The following SPATA16 variants were observed in gnomAD, a reference collection of about 807,000 sequenced individuals.
The protein encoded by SPATA16 is spermatogenesis-associated protein 16.
In SPATA16, 36 loss-of-function variants were observed where a neutral mutation model predicts 63.3. The ratio of observed to expected loss-of-function variants is 0.57; its 90% confidence interval spans 0.44 to 0.75. SPATA16 has a LOEUF of 0.75. Among genes scored for constraint, SPATA16 ranks in the 30% least tolerant of loss-of-function variants. The pLI, the probability that SPATA16 is intolerant of heterozygous loss-of-function variation, is 0.00. For synonymous variants in SPATA16, 203 were observed against 216.7 expected, an observed-to-expected ratio of 0.94 and a Z score of 0.56; for missense variants, 646 against 679.3, an observed-to-expected ratio of 0.95 and a Z score of 0.54.
At chr3:173,010,674 CGG>C (rs1735050983) in intron 4 of SPATA16, among the ~76,000 whole-genome samples, 2 of 152,252 alleles carry the variant, frequency 1.3e-5, no homozygotes, top group African/African-American at 4.8e-5. Flanking sequence ...CCTTCCCAAA[CGG>C]ATCTTGGGGT....
At chr3:173,088,102 T>C (rs1357449651) in intron 2 of SPATA16, among the ~76,000 whole-genome samples, 1 of 147,624 alleles carries the variant, frequency 6.8e-6, no homozygotes, top group Admixed American at 6.8e-5. Flanking sequence ...TTTTTTTTTT[T>C]TGAGATGGAG....
chr3:172,953,285 T>C (rs1330126973), intron 6 of SPATA16, among the ~76,000 whole-genome samples: 7 of 152,182 alleles, frequency 4.6e-5, no homozygotes, highest in Non-Finnish European at 1.0e-4. Context: ...TCAATCTCCA[T>C]TGTAGATCCT....
intron 3 of SPATA16, among the ~76,000 whole-genome samples, chr3:173,042,851 T>C (rs1468440824): frequency 6.6e-6 from 1 of 152,192 alleles, no homozygotes; most frequent in Non-Finnish European, 1.5e-5. Context: ...TAAATTGATT[T>C]CTAATTTAAT....
At chr3:173,032,258 GAAC>G (rs1190601037) in intron 3 of SPATA16, among the ~76,000 whole-genome samples, 1 of 151,992 alleles carries the variant, frequency 6.6e-6, no homozygotes, top group Non-Finnish European at 1.5e-5. Flanking sequence ...TATCTCAAGT[GAAC>G]AACAAACACC....
At chr3:173,133,955 C>T (rs1432009205) in intron 1 of SPATA16, among the ~76,000 whole-genome samples, 1 of 151,734 alleles carries the variant, frequency 6.6e-6, no homozygotes, top group Non-Finnish European at 1.5e-5. Flanking sequence ...ATAGCTCACT[C>T]ATAAGTCAAG....
chr3:173,083,654 G>A (rs576466336), intron 2 of SPATA16, among the ~76,000 whole-genome samples: 7 of 152,038 alleles, frequency 4.6e-5, no homozygotes, highest in African/African-American at 7.2e-5. Context: ...TTCTCTCCCC[G>A]AAAGGCCCCA....
chr3:172,966,918 C>T (rs570355174), intron 5 of SPATA16, among the ~76,000 whole-genome samples: 13 of 152,254 alleles, frequency 8.5e-5, no homozygotes, highest in South Asian at 8.3e-4. Flanking sequence ...AAATCAATAA[C>T]CCATAAAAAT....
Position 172,924,205 on chromosome 3 carries a change from T to C in SPATA16, c.1338+3A>G, listed in dbSNP as rs1403078496. 5 of 1,603,554 alleles carry C rather than the reference T, an allele frequency of 3.1e-6. No homozygotes were observed. In the East Asian group the frequency reaches 8.9e-5, roughly 29 times the overall value. On this transcript the variant is annotated splice_donor_region_variant and intron_variant, in intron 8 of 10. Coordinates refer to ENST00000351008, the MANE Select transcript of SPATA16 (RefSeq NM_031955.6). ...GACAAATATAAAAGACTCATATACC[T>C]ACATTCAATTGGGTGCTTCTAATAA...
chr3:172,938,578 C>A (rs1733067950), intron 6 of SPATA16, among the ~76,000 whole-genome samples: 1 of 152,160 alleles, frequency 6.6e-6, no homozygotes, highest in Admixed American at 6.5e-5. Context: ...CAGAGACCCC[C>A]TCTTTGGAGT....
intron 3 of SPATA16, among the ~76,000 whole-genome samples, chr3:173,026,282 A>T (rs74403552): frequency 0.017 from 2,603 of 151,490 alleles, 69 homozygotes; most frequent in African/African-American, 0.059. Flanking sequence ...AAAACTGGGC[A>T]TTTTTTTTCC....
In SPATA16 at chr3:172,954,139, A is replaced by G. The variant is rs9819905; in HGVS notation, c.1081+2538T>C. On this transcript the variant is annotated intron_variant, in intron 6 of 10. Coordinates refer to ENST00000351008, the MANE Select transcript of SPATA16 (RefSeq NM_031955.6). ...TTGTTCTCACGGTGCTAATAAAGAC[A>G]TACAGAAGACTGGATAATTTATAAA... Among the ~76,000 whole-genome samples the G allele has an allele frequency of 4.5e-3, 692 of 152,356 alleles. 4 individuals carry two copies. Among genetic ancestry groups the G allele is most frequent in the African/African-American group, 0.016 (671 of 41,582 alleles).
intron 2 of SPATA16, among the ~76,000 whole-genome samples, chr3:173,115,514 G>C (rs1377440736): frequency 6.6e-6 from 1 of 152,090 alleles, no homozygotes; most frequent in African/African-American, 2.4e-5. Context: ...TTCTTTTGGG[G>C]GTTTGTGGAT....
At chr3:173,133,775 C>CA (rs1738450123) in intron 1 of SPATA16, among the ~76,000 whole-genome samples, 1 of 151,034 alleles carries the variant, frequency 6.6e-6, no homozygotes, top group Non-Finnish European at 1.5e-5. Flanking sequence ...GAATTTCAGA[C>CA]AAAAAAAGAA....
Position 173,117,759 on chromosome 3 carries a change from G to T in SPATA16, c.-18-10C>A, listed in dbSNP as rs769336607. 1 of 1,613,760 alleles carries T rather than the reference G, an allele frequency of 6.2e-7. No homozygotes were observed. Among genetic ancestry groups the T allele is most frequent in the East Asian group, 2.2e-5 (1 of 44,882 alleles). On this transcript the variant is annotated splice_polypyrimidine_tract_variant and intron_variant, in intron 1 of 10. Transcript: ENST00000351008. ...ATCCTGCCCAAAACTCCTGCAGGGG[G>T]GAGAAAAAGGAAAGTAATTAAGGCA...
intron 4 of SPATA16, among the ~76,000 whole-genome samples, chr3:173,007,052 G>A (rs1040644791): frequency 2.6e-5 from 4 of 152,106 alleles, no homozygotes; most frequent in African/African-American, 9.7e-5. Context: ...GGTTTTTACT[G>A]TACACTCATC....
At chr3:173,130,144 G>A (rs995374812) in intron 1 of SPATA16, among the ~76,000 whole-genome samples, 1 of 151,934 alleles carries the variant, frequency 6.6e-6, no homozygotes, top group Non-Finnish European at 1.5e-5. Flanking sequence ...GGCGGATCAC[G>A]AGGTTAAGAT....
intron 4 of SPATA16, among the ~76,000 whole-genome samples, chr3:173,010,080 G>A (rs1022195599): frequency 6.6e-6 from 1 of 152,172 alleles, no homozygotes; most frequent in Non-Finnish European, 1.5e-5. Flanking sequence ...GCAGGAAAAG[G>A]AGGGGTTAAA....
intron 2 of SPATA16, among the ~76,000 whole-genome samples, chr3:173,071,262 A>C (rs1444100695): frequency 9.9e-5 from 15 of 152,234 alleles, no homozygotes; most frequent in Admixed American, 9.8e-4. Flanking sequence ...ATCCATATGC[A>C]AAAGAATGAA....
At chr3:173,021,720 CTT>C (rs1553794048) in intron 3 of SPATA16, among the ~76,000 whole-genome samples, 2 of 115,840 alleles carry the variant, frequency 1.7e-5, no homozygotes, top group Non-Finnish European at 3.9e-5. Context: ...TTCCCTATTA[CTT>C]TTTATTTATT....
Sources: allele counts gnomAD v4.1 joint callset (sites outside exome capture counted in the v4.1 genomes callset), GRCh38; gene constraint gnomAD v4.1.1; transcripts MANE v1.5; gene names NCBI Gene and HGNC (gene_info 2026-07-23, HGNC 2026-07-21).